The following NSMAF variants were observed in gnomAD, a reference collection of about 807,000 sequenced individuals.
NSMAF encodes protein FAN.
NSMAF carries 90 observed loss-of-function variants against 134.9 expected under a neutral mutation model. The ratio of observed to expected loss-of-function variants is 0.67; its 90% CI spans 0.56 to 0.79. The LOEUF is 0.79. NSMAF is among the 30% of genes least tolerant of loss of function. The pLI is 0.00. For missense variants in NSMAF, 1,010 were observed against 1,119.0 expected, an observed-to-expected ratio of 0.90 and a Z score of 1.39; for synonymous variants, 358 against 389.6, an observed-to-expected ratio of 0.92 and a Z score of 0.96.
chr8:58,624,104 C>G lies in NSMAF; in HGVS notation c.385-324G>C, dbSNP rs1005313510. Among the ~76,000 whole-genome samples the G allele has an allele frequency of 7.1e-5, 10 of 140,988 alleles. 1 individual carries two copies. The Admixed American group carries it at 7.7e-4, about 11-fold the overall frequency. The allele number at this position is 140,988 out of a possible 152,430, so 92.5% of individuals were successfully genotyped here. A position where few individuals can be genotyped will look rare whatever the true frequency, so the allele number is the denominator to read the frequency against. ...TCGCCCAGGCTGGCGTGCAGTGGCA[C>G]GATCTCGGCTCACTGCAACCTCCGT... On this transcript the variant is annotated intron_variant, in intron 6 of 30. Coordinates refer to ENST00000038176, the MANE Select transcript of NSMAF (RefSeq NM_003580.4).
intron 23 of NSMAF, among the ~76,000 whole-genome samples, chr8:58,592,669 C>A (rs1806044084): frequency 6.6e-6 from 1 of 152,198 alleles, no homozygotes; most frequent in Admixed American, 6.5e-5. Context: ...AGGTGGAACA[C>A]CTGAGGTCAG....
At chr8:58,629,990 G>A (rs1384532461) in intron 6 of NSMAF, among the ~76,000 whole-genome samples, 1 of 152,106 alleles carries the variant, frequency 6.6e-6, no homozygotes, top group African/African-American at 2.4e-5. Context: ...CAGTCCCTTG[G>A]GCAGCTCCCC....
intron 12 of NSMAF, among the ~76,000 whole-genome samples, chr8:58,604,193 A>G (rs1806349184): frequency 6.6e-6 from 1 of 152,184 alleles, no homozygotes; most frequent in Non-Finnish European, 1.5e-5. Context: ...AAAGGGCTTC[A>G]AAAATCAAAA....
intron 1 of NSMAF, chr8:58,659,255 T>C (rs1466176081): frequency 6.6e-7 from 1 of 1,507,804 alleles, no homozygotes; most frequent in Non-Finnish European, 8.8e-7. Context: ...CGCGCGGCCT[T>C]CCGGGTGAGC....
At chr8:58,588,902 CCATT>C in intron 26 of NSMAF, 1 of 644,244 alleles carries the variant, frequency 1.6e-6, no homozygotes, top group East Asian at 2.7e-5. Context: ...GAATGCTAGA[CCATT>C]CATCCCACAA....
chr8:58,586,239 G>C, intron 28 of NSMAF: 1 of 617,192 alleles, frequency 1.6e-6, no homozygotes, highest in Non-Finnish European at 2.8e-6. Context: ...CTCTAATGAG[G>C]AATTAAAAAT....
intron 9 of NSMAF, among the ~76,000 whole-genome samples, chr8:58,615,744 C>T (rs1348248473): frequency 6.6e-6 from 1 of 152,058 alleles, no homozygotes; most frequent in African/African-American, 2.4e-5. Flanking sequence ...AACTGGTGAC[C>T]TAGACTTTCT....
Position 58,659,698 on chromosome 8 carries a change from G to A in NSMAF, c.-67C>T. 7.9e-7 allele frequency: 1 copy of A among 1,267,884 alleles called. No homozygotes were observed. Among genetic ancestry groups the A allele is most frequent in the Non-Finnish European group, 1.0e-6 (1 of 983,556 alleles). 78.5% of individuals were successfully genotyped at this position (1,267,884 alleles called of 1,614,324 possible). ...CCGCCGCCGCCTGCCGAGGAGGTCC[G>A]GAGGAGCCGGGGAGGGCGGGATTGG... is the stretch of plus-strand genomic sequence containing the variant. On this transcript the variant is annotated 5_prime_UTR_variant, in exon 1 of 31. Transcript: ENST00000038176.
rs559306956 is a variant in NSMAF, at chr8:58,597,345, G to A, written c.1792+42C>T. ...TCAGAAACATTTTCATCACAGAAGA[G>A]AAACAAAAGGTGCTCACGTTTATTC... On this transcript the variant is annotated intron_variant, in intron 21 of 30. Coordinates refer to ENST00000038176, the MANE Select transcript of NSMAF (RefSeq NM_003580.4). The A allele has an allele frequency of 8.4e-6, 13 of 1,555,470 alleles. No individual in the cohort carries two copies. In the Admixed American group the frequency reaches 1.4e-4, roughly 16 times the overall value.
In NSMAF at chr8:58,601,289, T is replaced by G; in HGVS notation, c.1276A>C (p.Asn426His). 2.5e-6 allele frequency: 4 copies of G among 1,613,176 alleles called. No individual in the cohort carries two copies. Among genetic ancestry groups the G allele is most frequent in the Non-Finnish European group, 3.4e-6 (4 of 1,179,190 alleles). Residue 426 changes from asparagine to histidine, a missense_variant, in exon 16 of 31, where the codon AAC (asparagine) becomes CAC (histidine). By Grantham distance (68) the Asn-to-His change is moderately conservative. Transcript: ENST00000038176. The stretch of plus-strand genomic sequence containing the variant: ...AGCAAGGCATTTGTATCAAACCTGT[T>G]GAACATTCTATCTGCATTATCAAAT... The part of the protein sequence containing the change: ...GRFDNADRMF[N>H]SIAETWKNCL...
intron 1 of NSMAF, among the ~76,000 whole-genome samples, chr8:58,655,399 C>CTTTT (rs200424193): frequency 2.1e-5 from 3 of 144,934 alleles, no homozygotes; most frequent in Non-Finnish European, 3.0e-5. Context: ...ATAGAAATGT[C>CTTTT]TTTTTTTTTT....
At chr8:58,654,020 G>A (rs751563988) in intron 1 of NSMAF, among the ~76,000 whole-genome samples, 3 of 151,952 alleles carry the variant, frequency 2.0e-5, no homozygotes, top group African/African-American at 2.4e-5. Flanking sequence ...TTCCTCTCCC[G>A]CTGTTTTTCA....
At chr8:58,647,394 C>T (rs1182927246) in intron 1 of NSMAF, among the ~76,000 whole-genome samples, 2 of 152,186 alleles carry the variant, frequency 1.3e-5, no homozygotes, top group Non-Finnish European at 2.9e-5. Context: ...GGCAAGATCG[C>T]AGTCCTACTA....
intron 1 of NSMAF, among the ~76,000 whole-genome samples, chr8:58,650,624 A>G (rs1807562300): frequency 6.6e-6 from 1 of 152,146 alleles, no homozygotes; most frequent in African/African-American, 2.4e-5. Context: ...TGTTCCTTGG[A>G]ACTTTCAATA....
In NSMAF at chr8:58,599,643, G is replaced by C. The variant is rs1288850855; in HGVS notation, c.1453+107C>G. On this transcript the variant is annotated intron_variant, in intron 18 of 30. Transcript: ENST00000038176. ...AATAGGGCTCATATATCCTTATTTA[G>C]AGAATTATATTGTGATTTTTAAAAA... is the stretch of plus-strand genomic sequence containing the variant. The C allele has an allele frequency of 2.4e-6, 3 of 1,272,706 alleles. No homozygotes were observed. The East Asian group carries it at 7.0e-5, about 30-fold the overall frequency. 78.8% of individuals were successfully genotyped at this position (1,272,706 alleles called of 1,614,324 possible).
chr8:58,642,410 A>C (rs1274563528), intron 2 of NSMAF, among the ~76,000 whole-genome samples: 3 of 152,220 alleles, frequency 2.0e-5, no homozygotes, highest in Admixed American at 1.3e-4. Flanking sequence ...TCAAAGAAAC[A>C]ATCTGTTTTT....
At position 58,595,651 on chromosome 8, in the gene NSMAF, ACT is replaced by A. The variant is rs1806122385; in HGVS notation, c.1799_1800del (p.Glu600ValfsTer3). 1.9e-6 allele frequency: 3 copies of A among 1,611,590 alleles called. No homozygotes were observed. Among genetic ancestry groups the A allele is most frequent in the Admixed American group, 3.3e-5 (2 of 59,900 alleles). ...CTTTCTTCGGTCAGGTCTTCAAAAG[ACT>A]CTTCACCTGGAGAGACGACATTAAA... Reference protein sequence around the residue: ...NASMADSPGEESFEDLTEESK... With the variant: ...NASMADSPGEXSFEDLTEESK... On this transcript the variant is annotated frameshift_variant, in exon 22 of 31. Transcript: ENST00000038176. LOFTEE classifies it high-confidence loss of function.
intron 1 of NSMAF, among the ~76,000 whole-genome samples, chr8:58,646,160 C>T (rs933924896): frequency 6.6e-6 from 1 of 152,170 alleles, no homozygotes; most frequent in Non-Finnish European, 1.5e-5. Context: ...TTGACCTGTC[C>T]TCCATATCTA....
At chr8:58,636,947 C>T (rs1376659484) in intron 2 of NSMAF, among the ~76,000 whole-genome samples, 2 of 152,024 alleles carry the variant, frequency 1.3e-5, no homozygotes, top group Non-Finnish European at 2.9e-5. Context: ...GATTCTTTAC[C>T]TTTATTTATC....
Sources: gnomAD v4.1 joint callset for allele counts (sites outside exome capture counted in the v4.1 genomes callset) on GRCh38, gnomAD v4.1.1 for gene constraint, MANE v1.5 for transcripts, NCBI Gene and HGNC (gene_info 2026-07-23, HGNC 2026-07-21) for gene names.